Variants in FAT3 observed in about 807,000 individuals in gnomAD.
The protein encoded by FAT3 is FAT atypical cadherin 3.
In FAT3, 95 loss-of-function variants were observed where a neutral mutation model predicts 310.2. That is an observed-to-expected ratio of 0.31 (90% CI 0.26 to 0.36). The LOEUF (loss-of-function observed/expected upper bound fraction) is 0.36, where lower values mean the gene tolerates loss of function less well. Ranked by LOEUF, FAT3 falls within the 10% of genes least tolerant of loss-of-function variation. FAT3 has a pLI of 1.00. For missense variants in FAT3, 5,408 were observed against 5,715.6 expected (o/e 0.95, Z 1.74); for synonymous variants, 2,314 against 2,192.9 (o/e 1.06, Z -1.54).
At position 92,805,901 on chromosome 11, in the gene FAT3, T is replaced by C. The variant is rs114877073; in HGVS notation, c.9094-461T>C. ...CTATCATGTGGACCAAGAGACAATA[T>C]TGGTGTCCTATAGATTAGAAAAGTA... On this transcript the variant is annotated intron_variant, in intron 11 of 27. Transcript: ENST00000525166. 1.4e-3 allele frequency among the ~76,000 whole-genome samples: 209 copies of C among 152,354 alleles called. 1 individual carries two copies. The highest frequency in any genetic ancestry group is 4.7e-3 in the African/African-American group (196 of 41,582).
At chr11:92,586,071 G>A (rs1939135999) in intron 3 of FAT3, among the ~76,000 whole-genome samples, 1 of 151,964 alleles carries the variant, frequency 6.6e-6, no homozygotes, top group South Asian at 2.1e-4. Flanking sequence ...TAGTGGAAAT[G>A]TTTTTCCCCA....
intron 13 of FAT3, among the ~76,000 whole-genome samples, chr11:92,810,891 G>T (rs768635544): frequency 2.2e-4 from 34 of 151,832 alleles, no homozygotes; most frequent in Non-Finnish European, 4.4e-4. Context: ...AAATGATGAG[G>T]TGTGTCTGCT....
At chr11:92,836,496 G>A (rs527408204) in intron 15 of FAT3, 70 bp from the exon 16 acceptor site, 3 of 1,568,068 alleles carry the variant, frequency 1.9e-6, no homozygotes, top group African/African-American at 2.7e-5. Flanking sequence ...AAACAGACCT[G>A]GGACCCTAAG....
At chr11:92,753,773 G>GGTGTGTGTGTGTGTGTGTGTGT (rs145467493) in intron 4 of FAT3, among the ~76,000 whole-genome samples, 12 of 128,216 alleles carry the variant, frequency 9.4e-5, no homozygotes, top group African/African-American at 4.1e-4. Context: ...AAGAAACTGT[G>GGTGTGTGTGTGTGTGTGTGTGT]GTGTGTGTGT....
intron 4 of FAT3, among the ~76,000 whole-genome samples, chr11:92,713,947 G>A (rs1466634377): frequency 6.6e-6 from 1 of 152,112 alleles, no homozygotes; most frequent in African/African-American, 2.4e-5. Context: ...ATTCATAAAT[G>A]GTAACTGTAG....
intron 3 of FAT3, among the ~76,000 whole-genome samples, chr11:92,569,848 G>A (rs591897): frequency 0.39 from 59,281 of 151,900 alleles, 12,293 homozygotes; most frequent in Middle Eastern, 0.53. Flanking sequence ...CATCTCAGTG[G>A]CTCATCTCAG....
intron 1 of FAT3, among the ~76,000 whole-genome samples, chr11:92,304,388 G>C (rs1291052499): frequency 2.0e-5 from 3 of 152,080 alleles, no homozygotes; most frequent in Non-Finnish European, 4.4e-5. Flanking sequence ...CAGTTTCAGG[G>C]AGGGATAACT....
chr11:92,579,741 A>G lies in FAT3; in HGVS notation c.3607+54793A>G, dbSNP rs10501791. ...GAATTCTGGCTGCCTTAGCATTGAC[A>G]TCAGAGAAATCTCCCTATAATCAGC... On this transcript the variant is annotated intron_variant, in intron 3 of 27. Coordinates refer to ENST00000525166, the MANE Select transcript of FAT3 (RefSeq NM_001367949.2). 9.2e-3 allele frequency among the ~76,000 whole-genome samples: 1,406 copies of G among 152,260 alleles called. 33 individuals carry two copies. The East Asian group carries it at 0.098, about 11-fold the overall frequency.
chr11:92,363,872 A>G (rs1184244188), intron 2 of FAT3, among the ~76,000 whole-genome samples: 1 of 152,208 alleles, frequency 6.6e-6, no homozygotes, highest in Non-Finnish European at 1.5e-5. Flanking sequence ...ATTCTGATGA[A>G]CTTTGTAGTT....
At chr11:92,633,354 G>A (rs574719537) in intron 3 of FAT3, among the ~76,000 whole-genome samples, 1 of 152,212 alleles carries the variant, frequency 6.6e-6, no homozygotes, top group East Asian at 1.9e-4. Flanking sequence ...AAATGTGATG[G>A]TTATGTCTTC....
intron 1 of FAT3, among the ~76,000 whole-genome samples, chr11:92,268,861 AG>A (rs1473883911): frequency 6.6e-6 from 1 of 152,198 alleles, no homozygotes; most frequent in Non-Finnish European, 1.5e-5. Flanking sequence ...GGAAAGGGGA[AG>A]AAAAAAGAAA....
intron 3 of FAT3, among the ~76,000 whole-genome samples, chr11:92,656,549 T>C (rs561502428): frequency 6.6e-6 from 1 of 152,334 alleles, no homozygotes; most frequent in East Asian, 1.9e-4. Context: ...ACATAAACTT[T>C]CCACTACAAT....
intron 3 of FAT3, among the ~76,000 whole-genome samples, chr11:92,604,085 T>C (rs1318378177): frequency 6.6e-6 from 1 of 152,184 alleles, no homozygotes; most frequent in East Asian, 1.9e-4. Flanking sequence ...CTCCTCAACA[T>C]TTGGATGTGT....
At chr11:92,404,679 A>G (rs1021948224) in intron 2 of FAT3, among the ~76,000 whole-genome samples, 1 of 152,014 alleles carries the variant, frequency 6.6e-6, no homozygotes, top group Middle Eastern at 3.4e-3. Context: ...ATGCCCAGAT[A>G]GCTGGTAAAA....
In FAT3 at chr11:92,857,268, A is replaced by G; in HGVS notation, c.11420A>G (p.Asp3807Gly). The G allele has an allele frequency of 6.2e-7, 1 of 1,613,910 alleles. No individual in the cohort carries two copies. Among genetic ancestry groups the G allele is most frequent in the Non-Finnish European group, 8.5e-7 (1 of 1,179,868 alleles). Residue 3807 changes from aspartate to glycine, a missense_variant, in exon 20 of 28, where the codon GAC (aspartate) becomes GGC (glycine). Asp to Gly is a moderately conservative substitution (Grantham distance 94, BLOSUM62 -1). Transcript: ENST00000525166. ...TGTGTGGAGAAGCCGTGTCCAGGGG[A>G]CATGCAGTGTGTCAGTTATGAAGCC... ...DPCVEKPCPG[D>G]MQCVSYEASR...
chr11:92,679,614 G>T (rs1053585865), intron 3 of FAT3, among the ~76,000 whole-genome samples: 3 of 151,822 alleles, frequency 2.0e-5, no homozygotes, highest in African/African-American at 7.3e-5. Context: ...AGTCCGAGGT[G>T]GGCGGATCAT....
chr11:92,289,176 A>C (rs1317257787), intron 1 of FAT3, among the ~76,000 whole-genome samples: 1 of 152,124 alleles, frequency 6.6e-6, no homozygotes, highest in South Asian at 2.1e-4. Flanking sequence ...GGTTTTAGTC[A>C]CACATGTTGG....
chr11:92,574,590 G>A (rs765763695), intron 3 of FAT3, among the ~76,000 whole-genome samples: 8 of 152,084 alleles, frequency 5.3e-5, no homozygotes, highest in Non-Finnish European at 1.0e-4. Context: ...TTTCTCTTCC[G>A]TGGTTGCTTT....
intron 4 of FAT3, among the ~76,000 whole-genome samples, chr11:92,731,643 A>G (rs1482189140): frequency 6.6e-6 from 1 of 151,890 alleles, no homozygotes. Context: ...GGATAATGAT[A>G]GTGTCTTACT....
Sources: gnomAD v4.1 joint callset for allele counts (sites outside exome capture counted in the v4.1 genomes callset) on GRCh38, gnomAD v4.1.1 for gene constraint, MANE v1.5 for transcripts, NCBI Gene and HGNC (gene_info 2026-07-23, HGNC 2026-07-21) for gene names.